The following RNF20 variants were observed in gnomAD, a reference collection of about 807,000 sequenced individuals.
RNF20 encodes the protein E3 ubiquitin-protein ligase BRE1A.
RNF20 carries 84 observed loss-of-function variants against 126.2 expected under a neutral mutation model. The observed-to-expected ratio is 0.67, with a 90% CI of 0.56 to 0.80. The LOEUF is 0.80. RNF20 is among the 30% of genes least tolerant of loss of function. The pLI is 0.00. For synonymous variants in RNF20, 400 were observed against 414.3 expected (o/e 0.97, Z 0.42); for missense variants, 869 against 1,188.2 (o/e 0.73, Z 3.95).
chr9:101,550,834 A>T, intron 10 of RNF20, 49 bp downstream of exon 10: 1 of 1,461,408 alleles, frequency 6.8e-7, no homozygotes, highest in South Asian at 1.1e-5. Context: ...TGCCTCCTAA[A>T]TTTTACAATT....
intron 5 of RNF20, among the ~76,000 whole-genome samples, chr9:101,541,407 G>A (rs1827258867): frequency 6.6e-6 from 1 of 152,198 alleles, no homozygotes; most frequent in South Asian, 2.1e-4. Flanking sequence ...CTAACCTTCA[G>A]TGTTACTGGT....
At position 101,562,929 on chromosome 9, in the gene RNF20, C is replaced by G. The variant is rs1015305096; in HGVS notation, c.*507C>G. The G allele has an allele frequency of 2.0e-5, 3 of 152,452 alleles. No homozygotes were observed. The South Asian group carries it at 6.2e-4, about 32-fold the overall frequency. 9.4% of individuals were successfully genotyped at this position (152,452 alleles called of 1,614,324 possible). ...AAATGGTATAATTGTGCTACTCTCC[C>G]CTGGGTGGTTTGCAGCCCTAATGAA... On this transcript the variant is annotated 3_prime_UTR_variant, in exon 20 of 20. Transcript: ENST00000389120.
rs749195659 is a variant in RNF20, at chr9:101,535,410, C to T, written c.-14C>T. The stretch of plus-strand genomic sequence containing the variant: ...TTTTTTCTATCAGGAAAACGACTGT[C>T]TTCTTCTGCCAAAATGTCAGGAATT... On this transcript the variant is annotated 5_prime_UTR_variant, in exon 2 of 20. Transcript: ENST00000389120. 6 of 1,610,918 alleles carry T rather than the reference C, an allele frequency of 3.7e-6. No individual in the cohort carries two copies. The highest frequency in any genetic ancestry group is 1.3e-5 in the African/African-American group (1 of 74,688).
Position 101,552,202 on chromosome 9 carries a change from G to C in RNF20, c.1470G>C (p.Leu490=), listed in dbSNP as rs761246873. The part of the protein sequence containing the change: ...ISSLQNHNHQ[L]KGEVLRYKRK... Reference sequence around the variant, plus strand: ...GCCTCCAGAATCACAATCACCAGCTGAAAGGGGAGGTCCTGAGATATAAGC... The same window carrying C: ...GCCTCCAGAATCACAATCACCAGCTCAAAGGGGAGGTCCTGAGATATAAGC... The change falls in exon 12 of 20, where the codon CTG becomes CTC. Residue 490 remains leucine, a synonymous_variant. Transcript: ENST00000389120. The C allele has an allele frequency of 6.2e-7, 1 of 1,614,140 alleles. No homozygotes were observed. The highest frequency in any genetic ancestry group is 8.5e-7 in the Non-Finnish European group (1 of 1,180,014).
intron 16 of RNF20, chr9:101,560,598 T>G (rs557586279): frequency 2.5e-6 from 1 of 401,568 alleles, no homozygotes; most frequent in African/African-American, 2.1e-5. Flanking sequence ...AGACTCTTAC[T>G]GAATCTTCCA....
chr9:101,553,273 C>T (rs1229720126), intron 13 of RNF20, among the ~76,000 whole-genome samples: 1 of 152,168 alleles, frequency 6.6e-6, no homozygotes, highest in Non-Finnish European at 1.5e-5. Context: ...TTTTCTGTGT[C>T]ATAACCTTAT....
chr9:101,561,371 CT>C (rs1309730915), intron 18 of RNF20, 141 bp downstream of exon 18: 6 of 837,998 alleles, frequency 7.2e-6, no homozygotes, highest in Non-Finnish European at 1.1e-5. Flanking sequence ...GAGAGTAAGT[CT>C]GTTTTCTTCA....
Position 101,553,973 on chromosome 9 carries a change from C to T in RNF20, c.1902-15C>T. The T allele has an allele frequency of 6.8e-7, 1 of 1,473,472 alleles. No homozygotes were observed. The highest frequency in any genetic ancestry group is 9.5e-7 in the Non-Finnish European group (1 of 1,053,690). The allele number at this position is 1,473,472 out of a possible 1,614,324, so 91.3% of individuals were successfully genotyped here. On this transcript the variant is annotated splice_polypyrimidine_tract_variant and intron_variant, in intron 13 of 19. Transcript: ENST00000389120. ...TTATTACATTGTTCCCCTCCCTCTA[C>T]TACGCCTGTCATAGGAAGGCACAGG... is the stretch of plus-strand genomic sequence containing the variant.
chr9:101,541,732 C>T (rs1271242867), intron 5 of RNF20, among the ~76,000 whole-genome samples: 5 of 151,942 alleles, frequency 3.3e-5, no homozygotes, highest in South Asian at 4.1e-4. Context: ...TTTTCATTAT[C>T]GCTAATGTTT....
Position 101,550,721 on chromosome 9 carries a change from A to G in RNF20, c.1208A>G (p.Asp403Gly), listed in dbSNP as rs771991600. 1 of 1,614,046 alleles carries G rather than the reference A, an allele frequency of 6.2e-7. No individual in the cohort carries two copies. The highest frequency in any genetic ancestry group is 8.5e-7 in the Non-Finnish European group (1 of 1,180,030). ...AGCCTACAGTTGAAAGCACACTTGGATGAGGCTCGGACCCTGCTTCATGGC... is the reference window on the plus strand; with the variant it reads ...AGCCTACAGTTGAAAGCACACTTGGGTGAGGCTCGGACCCTGCTTCATGGC... ...NESLQLKAHLDEARTLLHGTR... is the reference protein window; with the variant it reads ...NESLQLKAHLGEARTLLHGTR... The change falls in exon 10 of 20, where the codon GAT becomes GGT. Residue 403 changes from aspartate (D) to glycine (G), a missense_variant. Around this residue, in one of 8 missense-constraint regions of RNF20, gnomAD observed 153 missense variants for 226.4 expected, o/e 0.68. Transcript: ENST00000389120.
chr9:101,561,084 A>G lies in RNF20; in HGVS notation c.2509-6A>G, dbSNP rs781782747. The G allele has an allele frequency of 9.3e-6, 15 of 1,613,246 alleles. No homozygotes were observed. Among genetic ancestry groups the G allele is most frequent in the Admixed American group, 3.3e-5 (2 of 59,914 alleles). On this transcript the variant is annotated splice_polypyrimidine_tract_variant and splice_region_variant and intron_variant, in intron 17 of 19. Transcript: ENST00000389120. ...ATGGTGTCACTTATTTGTACATCCT[A>G]CATAGGCAATGGAGGCAGCCCAGCT... is the stretch of plus-strand genomic sequence containing the variant.
Position 101,552,451 on chromosome 9 carries a change from T to A in RNF20, c.1599T>A (p.Pro533=). 6.2e-7 allele frequency: 1 copy of A among 1,613,144 alleles called. No homozygotes were observed. Among genetic ancestry groups the A allele is most frequent in the Non-Finnish European group, 8.5e-7 (1 of 1,179,142 alleles). The change falls in exon 13 of 20, where the codon CCT becomes CCA. Residue 533 remains proline (P), a synonymous_variant. Coordinates refer to ENST00000389120, the MANE Select transcript of RNF20 (RefSeq NM_019592.7). ...QSSTEDPKDE[P]AELKPDSEDL... ...GTACTGAGGACCCGAAGGATGAGCC[T>A]GCGGAGCTAAAACCAGATTCTGAGG...
At chr9:101,554,332 T>G (rs958297747) in intron 14 of RNF20, among the ~76,000 whole-genome samples, 3 of 152,220 alleles carry the variant, frequency 2.0e-5, no homozygotes, top group Non-Finnish European at 2.9e-5. Context: ...TTCCAAAGTA[T>G]GTATTCCTTG....
chr9:101,533,880 CA>C lies in RNF20; in HGVS notation c.-60del, dbSNP rs1408413127. 1 of 152,508 alleles carries C rather than the reference CA, an allele frequency of 6.6e-6. No individual in the cohort carries two copies. The allele number at this position is 152,508 out of a possible 1,614,324, so 9.4% of individuals were successfully genotyped here. ...GTTCTGCCTTGTCTCCGCCGCGGGT[CA>C]GGGGTGAGAGCTGGAATCTCTGCAC... On this transcript the variant is annotated 5_prime_UTR_variant, in exon 1 of 20. Coordinates refer to ENST00000389120, the MANE Select transcript of RNF20 (RefSeq NM_019592.7).
intron 15 of RNF20, among the ~76,000 whole-genome samples, chr9:101,556,465 A>T (rs1827532410): frequency 1.3e-5 from 2 of 152,178 alleles, no homozygotes; most frequent in Non-Finnish European, 2.9e-5. Flanking sequence ...GTGACATGTG[A>T]TGGGACAAAA....
intron 15 of RNF20, among the ~76,000 whole-genome samples, chr9:101,555,717 C>T (rs1215769697): frequency 2.7e-5 from 4 of 150,828 alleles, no homozygotes; most frequent in African/African-American, 4.9e-5. Flanking sequence ...TTTGGGAGGC[C>T]GAGGTGGATG....
intron 10 of RNF20, 82 bp from the exon 11 acceptor site, chr9:101,551,602 T>G: frequency 7.7e-7 from 1 of 1,298,948 alleles, no homozygotes; most frequent in South Asian, 1.7e-5. Flanking sequence ...GAACTGGAAA[T>G]TTTCAGAGTA....
Position 101,561,784 on chromosome 9 carries a change from A to G in RNF20, c.2650-126A>G, listed in dbSNP as rs182703853. 249 of 749,564 alleles carry G rather than the reference A, an allele frequency of 3.3e-4. 2 individuals are homozygous for G. The African/African-American group carries it at 3.9e-3, about 12-fold the overall frequency. 46.4% of individuals were successfully genotyped at this position (749,564 alleles called of 1,614,324 possible). On this transcript the variant is annotated intron_variant, in intron 18 of 19. Coordinates refer to ENST00000389120, the MANE Select transcript of RNF20 (RefSeq NM_019592.7). ...CATTTGCAGTTCTCTACATTTCTAC[A>G]AGATAATTGACCATAAAAGGATAGA...
At chr9:101,549,772 C>T (rs1330143474) in intron 9 of RNF20, among the ~76,000 whole-genome samples, 1 of 152,208 alleles carries the variant, frequency 6.6e-6, no homozygotes, top group African/African-American at 2.4e-5. Flanking sequence ...GGTCACTTCT[C>T]ACTGTGTCCC....
Sources: allele counts gnomAD v4.1 joint callset (sites outside exome capture counted in the v4.1 genomes callset), GRCh38; gene constraint gnomAD v4.1.1; regional missense constraint gnomAD v4.1.1; transcripts MANE v1.5; gene names NCBI Gene and HGNC (gene_info 2026-07-23, HGNC 2026-07-21).